Variants in C1orf105 observed in about 807,000 individuals in gnomAD.
C1orf105 encodes the protein uncharacterized protein C1orf105.
In C1orf105, 17 loss-of-function variants were observed where a neutral mutation model predicts 20.8. The observed-to-expected ratio is 0.82, with a 90% CI of 0.56 to 1.23. The LOEUF is 1.23. Ranked by LOEUF, C1orf105 falls within the 50% of genes most tolerant of loss-of-function variation. The probability of loss-of-function intolerance (pLI) is 0.00; values close to 1 mark genes in which losing one functional copy is unlikely to be tolerated. For missense variants in C1orf105, 219 were observed against 213.5 expected (o/e 1.03, Z -0.16); for synonymous variants, 72 against 72.1 (o/e 1.00, Z 0.01).
intron 1 of C1orf105, among the ~76,000 whole-genome samples, chr1:172,421,421 T>C (rs932820859): frequency 6.6e-6 from 1 of 152,198 alleles, no homozygotes; most frequent in Non-Finnish European, 1.5e-5. Context: ...TTTAAAGGGA[T>C]ATACTAGCTG....
At chr1:172,422,602 A>G (rs2071619092) in intron 1 of C1orf105, among the ~76,000 whole-genome samples, 1 of 151,826 alleles carries the variant, frequency 6.6e-6, no homozygotes, top group Non-Finnish European at 1.5e-5. Flanking sequence ...TGAGAAGAAC[A>G]GAGGGAAGAA....
intron 3 of C1orf105, chr1:172,453,224 C>A: frequency 1.3e-6 from 2 of 1,544,286 alleles, no homozygotes; most frequent in East Asian, 2.4e-5. Flanking sequence ...TTGCTTTTTA[C>A]CTTTAAATGT....
chr1:172,440,083 C>T (rs2072171713), intron 1 of C1orf105, among the ~76,000 whole-genome samples: 1 of 152,198 alleles, frequency 6.6e-6, no homozygotes, highest in South Asian at 2.1e-4. Context: ...TGTGACATGA[C>T]AAGAGCTGAA....
rs151288085 is a variant in C1orf105, at chr1:172,427,424, T to A, written c.21+6518T>A. On this transcript the variant is annotated intron_variant, in intron 1 of 6. Coordinates refer to ENST00000367727, the MANE Select transcript of C1orf105 (RefSeq NM_139240.4). ...TTTCATTTCAATCAGGGTGCAAACA[T>A]GCTATCATTTTTTTGGTCTTCACTT... Among the ~76,000 whole-genome samples the A allele has an allele frequency of 3.8e-3, 572 of 152,312 alleles. 6 individuals are homozygous for A. The highest frequency in any genetic ancestry group is 0.018 in the South Asian group (86 of 4,822).
intron 1 of C1orf105, among the ~76,000 whole-genome samples, chr1:172,434,373 T>G (rs2071969878): frequency 6.6e-6 from 1 of 152,126 alleles, no homozygotes; most frequent in Non-Finnish European, 1.5e-5. Flanking sequence ...CCTCAGCAAA[T>G]GTAAAAGAAC....
At chr1:172,446,358 T>G (rs189658694) in intron 2 of C1orf105, among the ~76,000 whole-genome samples, 2 of 152,106 alleles carry the variant, frequency 1.3e-5, no homozygotes, top group African/African-American at 4.8e-5. Context: ...GGACACAAAC[T>G]CACAGGCCCA....
chr1:172,462,116 ATTAT>A, intron 4 of C1orf105, 58 bp from the exon 5 acceptor site: 1 of 1,208,916 alleles, frequency 8.3e-7, no homozygotes, highest in Non-Finnish European at 1.2e-6. Context: ...AAAGTGGTAC[ATTAT>A]TTATTTAAAT....
chr1:172,428,947 A>AT, intron 1 of C1orf105: 1 of 573,212 alleles, frequency 1.7e-6, no homozygotes, highest in Non-Finnish European at 3.1e-6. Flanking sequence ...ATTTTGTTGG[A>AT]TTTTGGGGGA....
chr1:172,431,922 C>T (rs1455030418), intron 1 of C1orf105, among the ~76,000 whole-genome samples: 3 of 152,258 alleles, frequency 2.0e-5, no homozygotes, highest in Non-Finnish European at 4.4e-5. Flanking sequence ...TAGCAACCGG[C>T]AGACAAGGAG....
At chr1:172,458,141 GATACTTTCCCCTAA>G (rs1649437388) in intron 4 of C1orf105, among the ~76,000 whole-genome samples, 4 of 152,140 alleles carry the variant, frequency 2.6e-5, no homozygotes, top group Non-Finnish European at 5.9e-5. Context: ...TAAAAGACTG[GATACTTTCCCCTAA>G]GATTAGAAAC....
intron 1 of C1orf105, among the ~76,000 whole-genome samples, chr1:172,421,452 G>A (rs1209929702): frequency 6.6e-6 from 1 of 152,126 alleles, no homozygotes; most frequent in Non-Finnish European, 1.5e-5. Flanking sequence ...CATAGTACAG[G>A]TGCTCCTTGA....
chr1:172,432,213 G>A (rs1382870961), intron 1 of C1orf105, among the ~76,000 whole-genome samples: 1 of 152,218 alleles, frequency 6.6e-6, no homozygotes, highest in Non-Finnish European at 1.5e-5. Context: ...AAACGTCCCT[G>A]TGTGACAGCT....
At chr1:172,430,179 T>C in intron 1 of C1orf105, 1 of 522,632 alleles carries the variant, frequency 1.9e-6, no homozygotes, top group Non-Finnish European at 3.5e-6. Context: ...CATATTCTAC[T>C]TGCACCCTTT....
chr1:172,441,751 T>A (rs1347758403), intron 1 of C1orf105: 1 of 1,559,858 alleles, frequency 6.4e-7, no homozygotes, highest in Admixed American at 2.0e-5. Flanking sequence ...CCTGGACAAG[T>A]CTTCCTTGAT....
intron 1 of C1orf105, among the ~76,000 whole-genome samples, chr1:172,430,091 T>C (rs769876771): frequency 6.6e-6 from 1 of 152,210 alleles, no homozygotes; most frequent in Non-Finnish European, 1.5e-5. Context: ...TTAATTCCAA[T>C]GCTACTGTAA....
At chr1:172,420,945 A>T (rs370593509) in intron 1 of C1orf105, 39 bp downstream of exon 1, 1 of 1,566,874 alleles carries the variant, frequency 6.4e-7, no homozygotes, top group Non-Finnish European at 8.8e-7. Context: ...TTCTTTCCTT[A>T]TGGGGTTACC....
intron 1 of C1orf105, among the ~76,000 whole-genome samples, chr1:172,426,196 G>A (rs2071717498): frequency 6.6e-6 from 1 of 152,062 alleles, no homozygotes; most frequent in Admixed American, 6.5e-5. Flanking sequence ...TGAAAGGACT[G>A]CCTCCCCTGC....
chr1:172,428,936 TATTTTGTTGG>T (rs1476973079), intron 1 of C1orf105: 1 of 587,960 alleles, frequency 1.7e-6, no homozygotes, highest in East Asian at 3.0e-5. Flanking sequence ...AGATACTAAA[TATTTTGTTGG>T]ATTTTGGGGG....
chr1:172,442,027 G>C (rs1478929490), intron 1 of C1orf105: 1 of 1,614,210 alleles, frequency 6.2e-7, no homozygotes, highest in South Asian at 1.1e-5. Flanking sequence ...CATGATGAAG[G>C]CATGCAGGGA....
Sources: allele counts gnomAD v4.1 joint callset (sites outside exome capture counted in the v4.1 genomes callset), GRCh38; gene constraint gnomAD v4.1.1; transcripts MANE v1.5; gene names NCBI Gene and HGNC (gene_info 2026-07-23, HGNC 2026-07-21).